Variants in LRRC56 observed in about 807,000 individuals in gnomAD.
LRRC56 encodes the protein leucine-rich repeat-containing protein 56.
In LRRC56, 41 loss-of-function variants were observed where a neutral mutation model predicts 47.8. The ratio of observed to expected loss-of-function variants is 0.86; its 90% confidence interval spans 0.67 to 1.11. The LOEUF is 1.11. Among genes scored for constraint, LRRC56 ranks in the 50% most tolerant of loss-of-function variants. LRRC56 has a pLI of 0.00. For missense variants in LRRC56, 759 were observed against 704.2 expected (o/e 1.08, Z -0.88); for synonymous variants, 387 against 311.2 (o/e 1.24, Z -2.56).
In LRRC56 at chr11:550,195, C is replaced by T. The variant is rs770263095; in HGVS notation, c.547C>T (p.Leu183=). 1 of 1,612,874 alleles carries T rather than the reference C, an allele frequency of 6.2e-7. No individual in the cohort carries two copies. Residue 183 remains leucine (L), a synonymous_variant, in exon 8 of 14, where the codon CTG becomes TTG. Transcript: ENST00000270115. Reference sequence around the variant, plus strand: ...CCTGGGGCAGGTGCGCTACTTGCAGCTGTGCCCACGCCTGGCCATGCTCAC... The same window carrying T: ...CCTGGGGCAGGTGCGCTACTTGCAGTTGTGCCCACGCCTGGCCATGCTCAC... ...EDLGQVRYLQ[L]CPRLAMLTLE... is the part of the protein sequence containing the mutation.
chr11:507,076 C>G, the LRRC56 span: 4 of 152,356 alleles, frequency 2.6e-5, no homozygotes, highest in Admixed American at 2.6e-4. Flanking sequence ...GTGGGCGAGG[C>G]CTGGCTAGAC....
intron 6 of LRRC56, among the ~76,000 whole-genome samples, chr11:548,374 G>A (rs764218618): frequency 6.6e-6 from 1 of 151,978 alleles, no homozygotes; most frequent in Non-Finnish European, 1.5e-5. Flanking sequence ...TCGACCTCCT[G>A]GGCTCAGGTG....
At chr11:533,183 C>T, upstream of LRRC56, 1 of 1,176,962 alleles carries the variant, frequency 8.5e-7, no homozygotes, top group Non-Finnish European at 1.2e-6. Context: ...GGACCTCCGC[C>T]TTCCCCGGAG....
At chr11:549,459 T>G (rs1302168855) in intron 6 of LRRC56, among the ~76,000 whole-genome samples, 1 of 152,188 alleles carries the variant, frequency 6.6e-6, no homozygotes, top group Non-Finnish European at 1.5e-5. Flanking sequence ...CCACAAAAGC[T>G]GCCAGCTCAG....
chr11:534,388 G>A (rs890547133), upstream of LRRC56: 2 of 1,336,332 alleles, frequency 1.5e-6, no homozygotes, highest in East Asian at 2.4e-5. Flanking sequence ...GCCAAGGAGG[G>A]CCCTGCTCAG....
At chr11:516,501 C>G in the LRRC56 span, among the ~76,000 whole-genome samples, 1 of 152,148 alleles carries the variant, frequency 6.6e-6, no homozygotes, top group Non-Finnish European at 1.5e-5. Context: ...TTGCCACACA[C>G]TGAAACACAG....
At position 549,031 on chromosome 11, in the gene LRRC56, A is replaced by G. The variant is rs1284901309; in HGVS notation, c.327-871A>G. Among the ~76,000 whole-genome samples, 6 of 152,232 alleles carry G rather than the reference A, an allele frequency of 3.9e-5. No individual in the cohort carries two copies. In the East Asian group the frequency reaches 1.2e-3, roughly 29 times the overall value. On this transcript the variant is annotated intron_variant, in intron 6 of 13. Coordinates refer to ENST00000270115, the MANE Select transcript of LRRC56 (RefSeq NM_198075.4). ...CCATTGAAGGCAGCAGGCTGAGGAC[A>G]GACACTGACTCCACAGCGCGAAAGG...
the LRRC56 span, among the ~76,000 whole-genome samples, chr11:518,523 T>C: frequency 1.3e-5 from 2 of 152,116 alleles, no homozygotes; most frequent in East Asian, 3.9e-4. Context: ...GAGATGGGGT[T>C]TCATTTGGCC....
chr11:534,474 C>T (rs137951969), upstream of LRRC56: 4 of 644,876 alleles, frequency 6.2e-6, no homozygotes, highest in Non-Finnish European at 1.1e-5. Flanking sequence ...CCACAGCGGT[C>T]CCTGGGCCCC....
intron 5 of LRRC56, among the ~76,000 whole-genome samples, chr11:542,603 A>C (rs1411319496): frequency 6.7e-6 from 1 of 149,734 alleles, no homozygotes; most frequent in Non-Finnish European, 1.5e-5. Context: ...AAAAAAAAAA[A>C]ACACTCCCTC....
At chr11:550,824 G>A (rs1226625956) in intron 8 of LRRC56, among the ~76,000 whole-genome samples, 2 of 152,140 alleles carry the variant, frequency 1.3e-5, no homozygotes, top group African/African-American at 2.4e-5. Context: ...CCAGTGCCCA[G>A]TAGCTACTGC....
chr11:552,020 C>T lies in LRRC56; in HGVS notation c.1038+53C>T. 12 of 1,609,362 alleles carry T rather than the reference C, an allele frequency of 7.5e-6. No homozygotes were observed. The South Asian group carries it at 1.3e-4, about 18-fold the overall frequency. On this transcript the variant is annotated intron_variant, in intron 11 of 13. Coordinates refer to ENST00000270115, the MANE Select transcript of LRRC56 (RefSeq NM_198075.4). Reference sequence around the variant, plus strand: ...CGAGAACCAGTGTCCAGGGTTGCGGCCCTGACAGTGCCCTGCCCTGCCGCC... The same window carrying T: ...CGAGAACCAGTGTCCAGGGTTGCGGTCCTGACAGTGCCCTGCCCTGCCGCC...
chr11:532,380 G>T, the LRRC56 span: 1 of 586,614 alleles, frequency 1.7e-6, no homozygotes, highest in East Asian at 2.9e-5. Flanking sequence ...TCCCTGGGAG[G>T]GTCTGCAGTC....
Position 552,442 on chromosome 11 carries a change from TG to T in LRRC56, c.1182-121del, listed in dbSNP as rs1397578924. The T allele has an allele frequency of 1.0e-5, 12 of 1,173,758 alleles. No individual in the cohort carries two copies. In the East Asian group the frequency reaches 3.1e-4, roughly 30 times the overall value. 72.7% of individuals were successfully genotyped at this position (1,173,758 alleles called of 1,614,324 possible). On this transcript the variant is annotated intron_variant, in intron 12 of 13. Coordinates refer to ENST00000270115, the MANE Select transcript of LRRC56 (RefSeq NM_198075.4). ...GACCATCCCTGTGTGTCCTGTCCCG[TG>T]GGGGGATCAGGGCTGGGGCTACCTT...
At chr11:536,716 A>C (rs1263069118), upstream of LRRC56, 1 of 152,298 alleles carries the variant, frequency 6.6e-6, no homozygotes, top group Non-Finnish European at 1.5e-5. Context: ...TGTTGCGGTG[A>C]GCCGAAATCG....
upstream of LRRC56, chr11:537,486 G>T (rs1851568837): frequency 6.6e-6 from 1 of 152,266 alleles, no homozygotes; most frequent in Non-Finnish European, 1.5e-5. Flanking sequence ...CGTTGCTATG[G>T]CGCCCAGGCC....
At chr11:511,275 C>T in the LRRC56 span, among the ~76,000 whole-genome samples, 5 of 149,384 alleles carry the variant, frequency 3.3e-5, no homozygotes, top group Admixed American at 1.4e-4. Context: ...GAGCCAAGAT[C>T]GCGCCACTGC....
At chr11:544,802 G>C (rs756923987) in intron 6 of LRRC56, 22 bp downstream of exon 6, 1 of 1,608,614 alleles carries the variant, frequency 6.2e-7, no homozygotes, top group Non-Finnish European at 8.5e-7. Context: ...AGGGGGGTGG[G>C]CTGGGGCCCT....
chr11:540,736 G>T lies in LRRC56; in HGVS notation c.52G>T (p.Val18Phe), dbSNP rs772525350. 102 of 1,612,314 alleles carry T rather than the reference G, an allele frequency of 6.3e-5. No individual in the cohort carries two copies. In the Middle Eastern group the frequency reaches 6.6e-4, roughly 10 times the overall value. Residue 18 changes from valine (V) to phenylalanine (F), a missense_variant, in exon 4 of 14, where the codon GTC becomes TTC. Physicochemically the swap from Val to Phe is conservative, Grantham distance 50 (BLOSUM62 -1). Transcript: ENST00000270115. ...SRGPRRSTSS[V>F]RVRELSWQGL... The stretch of plus-strand genomic sequence containing the variant: ...TGGGCCTCGGCGGAGCACCTCCAGC[G>T]TCCGGGTGCGGGAGCTGAGCTGGCA...
Sources: allele counts gnomAD v4.1 joint callset (sites outside exome capture counted in the v4.1 genomes callset), GRCh38; gene constraint gnomAD v4.1.1; transcripts MANE v1.5; gene names NCBI Gene and HGNC (gene_info 2026-07-23, HGNC 2026-07-21).